TNR: variants seen among roughly 807,000 people sequenced by gnomAD.
TNR encodes the protein tenascin R.
Under a neutral mutation model 150.4 loss-of-function variants are expected in TNR, and 45 were observed. The ratio of observed to expected loss-of-function variants is 0.30; its 90% CI spans 0.24 to 0.38. The LOEUF is 0.38. Among genes scored for constraint, TNR ranks in the 10% least tolerant of loss-of-function variants. The pLI is 1.00. For missense variants in TNR, 1,544 were observed against 1,759.1 expected (o/e 0.88, Z 2.19); for synonymous variants, 687 against 678.4 (o/e 1.01, Z -0.20).
Position 175,479,473 on chromosome 1 carries a change from C to T in TNR, c.-64+48796G>A, listed in dbSNP as rs182220894. 6.6e-5 allele frequency among the ~76,000 whole-genome samples: 10 copies of T among 152,266 alleles called. No homozygotes were observed. The East Asian group carries it at 1.9e-3, about 29-fold the overall frequency. ...CTCTCCAAGTGGGTGGGGTAGACTT[C>T]ACCTTGTTCTCCTCCCTAGGGATTT... On this transcript the variant is annotated intron_variant, in intron 2 of 22. Transcript: ENST00000367674.
At chr1:175,574,046 T>C (rs1188616140) in intron 1 of TNR, among the ~76,000 whole-genome samples, 1 of 152,102 alleles carries the variant, frequency 6.6e-6, no homozygotes, top group African/African-American at 2.4e-5. Flanking sequence ...TTATCTCAGG[T>C]CTTGAAGAGG....
chr1:175,696,028 A>G (rs1666506939), intron 1 of TNR, among the ~76,000 whole-genome samples: 1 of 150,112 alleles, frequency 6.7e-6, no homozygotes, highest in African/African-American at 2.5e-5. Context: ...ATAGATTAAT[A>G]TTAGCCAATA....
At chr1:175,579,044 G>T (rs901406535) in intron 1 of TNR, among the ~76,000 whole-genome samples, 1 of 152,106 alleles carries the variant, frequency 6.6e-6, no homozygotes, top group Non-Finnish European at 1.5e-5. Flanking sequence ...AAAAATAACT[G>T]ACTGAGAATC....
At chr1:175,388,012 T>G (rs1182619254) in intron 7 of TNR, among the ~76,000 whole-genome samples, 1 of 152,256 alleles carries the variant, frequency 6.6e-6, no homozygotes, top group Non-Finnish European at 1.5e-5. Flanking sequence ...GGTAGTAATG[T>G]GATTTAACAG....
chr1:175,696,851 C>A (rs1425786811), intron 1 of TNR, among the ~76,000 whole-genome samples: 2 of 146,632 alleles, frequency 1.4e-5, no homozygotes, highest in Admixed American at 7.0e-5. Context: ...TGCACTTCAG[C>A]CTGGGCAACA....
At chr1:175,562,518 C>A (rs1040552449) in intron 1 of TNR, among the ~76,000 whole-genome samples, 1 of 152,196 alleles carries the variant, frequency 6.6e-6, no homozygotes, top group Non-Finnish European at 1.5e-5. Context: ...GGAGCTGAAC[C>A]ATTGGCAGGG....
At chr1:175,564,280 G>C (rs1299636127) in intron 1 of TNR, among the ~76,000 whole-genome samples, 1 of 152,058 alleles carries the variant, frequency 6.6e-6, no homozygotes, top group Non-Finnish European at 1.5e-5. Flanking sequence ...ACCACCCCAA[G>C]CAGGACGGGC....
At chr1:175,540,882 T>C (rs901420238) in intron 1 of TNR, among the ~76,000 whole-genome samples, 13 of 152,184 alleles carry the variant, frequency 8.5e-5, no homozygotes, top group Non-Finnish European at 1.3e-4. Context: ...TATTTCTTCT[T>C]AAACCTCTCA....
At chr1:175,487,713 C>T (rs962061889) in intron 2 of TNR, among the ~76,000 whole-genome samples, 5 of 152,318 alleles carry the variant, frequency 3.3e-5, no homozygotes, top group Middle Eastern at 3.4e-3. Flanking sequence ...GTACCCACCA[C>T]CAAAGACTTC....
chr1:175,321,930 C>T lies in TNR; in HGVS notation c.*1427G>A, dbSNP rs1649073944. ...GATTATCAGTCAGGGGTATAGCTCT[C>T]TGGGCATATACCTTCTTCTCCTGAC... On this transcript the variant is annotated 3_prime_UTR_variant, in exon 23 of 23. Coordinates refer to ENST00000367674, the MANE Select transcript of TNR (RefSeq NM_003285.3). 1 of 152,122 alleles carries T rather than the reference C, an allele frequency of 6.6e-6. No homozygotes were observed. The highest frequency in any genetic ancestry group is 1.5e-5 in the Non-Finnish European group (1 of 68,040). 9.4% of individuals were successfully genotyped at this position (152,122 alleles called of 1,614,324 possible).
intron 1 of TNR, among the ~76,000 whole-genome samples, chr1:175,564,019 T>C (rs886132253): frequency 2.1e-4 from 32 of 152,108 alleles, no homozygotes; most frequent in African/African-American, 7.5e-4. Context: ...TAGACCAGAG[T>C]CACAGTCAGA....
intron 1 of TNR, among the ~76,000 whole-genome samples, chr1:175,739,820 G>GCTCA (rs1667875342): frequency 6.6e-6 from 1 of 152,132 alleles, no homozygotes; most frequent in African/African-American, 2.4e-5. Context: ...TCTTTACTAA[G>GCTCA]CTCACATAGG....
At chr1:175,729,925 A>G (rs1317297595) in intron 1 of TNR, among the ~76,000 whole-genome samples, 1 of 152,172 alleles carries the variant, frequency 6.6e-6, no homozygotes, top group Non-Finnish European at 1.5e-5. Context: ...GAGCATCTCA[A>G]TCGTCAATAA....
chr1:175,477,501 T>C (rs1657594537), intron 2 of TNR, among the ~76,000 whole-genome samples: 1 of 152,218 alleles, frequency 6.6e-6, no homozygotes, highest in African/African-American at 2.4e-5. Context: ...CTGTTTGTAT[T>C]GTTTGTAAAG....
chr1:175,667,254 G>A (rs1044640567), intron 1 of TNR, among the ~76,000 whole-genome samples: 1 of 152,206 alleles, frequency 6.6e-6, no homozygotes, highest in African/African-American at 2.4e-5. Flanking sequence ...CACGTGGTCT[G>A]CTCTGTGTGG....
At chr1:175,441,132 C>T (rs777749538) in intron 2 of TNR, among the ~76,000 whole-genome samples, 5 of 152,078 alleles carry the variant, frequency 3.3e-5, no homozygotes, top group Non-Finnish European at 5.9e-5. Flanking sequence ...CTTCTTGTCC[C>T]CAACAATTAA....
At chr1:175,529,732 A>G (rs1309811412) in intron 1 of TNR, among the ~76,000 whole-genome samples, 1 of 152,180 alleles carries the variant, frequency 6.6e-6, no homozygotes, top group Non-Finnish European at 1.5e-5. Flanking sequence ...CTCTTCTTCC[A>G]TGGAATTACA....
chr1:175,514,888 T>C (rs773422184), intron 2 of TNR, among the ~76,000 whole-genome samples: 4 of 152,300 alleles, frequency 2.6e-5, no homozygotes, highest in Non-Finnish European at 4.4e-5. Context: ...GGCAACATGG[T>C]CACCACATGG....
chr1:175,393,434 G>A (rs1050410355), intron 6 of TNR, among the ~76,000 whole-genome samples: 2 of 152,210 alleles, frequency 1.3e-5, no homozygotes, highest in East Asian at 1.9e-4. Context: ...ATGTCCTAAA[G>A]AGAAGCCTCA....
Sources: allele counts gnomAD v4.1 joint callset (sites outside exome capture counted in the v4.1 genomes callset), GRCh38; gene constraint gnomAD v4.1.1; transcripts MANE v1.5; gene names NCBI Gene and HGNC (gene_info 2026-07-23, HGNC 2026-07-21).